PIAS2: variants seen among roughly 807,000 people sequenced by gnomAD.
PIAS2 encodes the protein protein inhibitor of activated STAT 2.
Under a neutral mutation model 69.7 loss-of-function variants are expected in PIAS2, and 19 were observed. The ratio of observed to expected loss-of-function variants is 0.27; its 90% CI spans 0.19 to 0.40. PIAS2 has a LOEUF of 0.40. PIAS2 is among the 10% of genes least tolerant of loss of function. The pLI is 1.00. For missense variants in PIAS2, 624 were observed against 757.0 expected (o/e 0.82, Z 2.06); for synonymous variants, 261 against 263.2 (o/e 0.99, Z 0.08).
intron 1 of PIAS2, among the ~76,000 whole-genome samples, chr18:46,903,866 G>A (rs564745004): frequency 6.3e-4 from 96 of 152,264 alleles, no homozygotes; most frequent in Non-Finnish European, 1.0e-3. Context: ...AATTCATATC[G>A]TGGAAAACTA....
chr18:46,813,248 A>G (rs1463319043), intron 13 of PIAS2, among the ~76,000 whole-genome samples: 1 of 152,142 alleles, frequency 6.6e-6, no homozygotes. Flanking sequence ...AAGTTTTGCA[A>G]TAAATGTTAA....
rs1273912040 is a variant in PIAS2 at position 46,807,111 on chromosome 18, T to C, written c.*5322A>G. On this transcript the variant is annotated 3_prime_UTR_variant, in exon 14 of 14. Coordinates refer to ENST00000585916, the MANE Select transcript of PIAS2 (RefSeq NM_004671.5). ...GATGGAATGCCTTTGGCTCAGTAGA[T>C]TCTACTGGCTTTGGGGAGCTCAGAA... 1 of 151,574 alleles carries C rather than the reference T, an allele frequency of 6.6e-6. No individual in the cohort carries two copies. Among genetic ancestry groups the C allele is most frequent in the East Asian group, 1.9e-4 (1 of 5,134 alleles). The allele number at this position is 151,574 out of a possible 1,614,324, so 9.4% of individuals were successfully genotyped here. A position where few individuals can be genotyped will look rare whatever the true frequency, so the allele number is the denominator to read the frequency against.
intron 2 of PIAS2, among the ~76,000 whole-genome samples, chr18:46,882,204 T>C (rs2052380825): frequency 6.6e-6 from 1 of 152,140 alleles, no homozygotes; most frequent in Admixed American, 6.5e-5. Flanking sequence ...GAATATTATA[T>C]TTTAATGGCT....
At chr18:46,886,854 AC>A (rs1568739947) in intron 2 of PIAS2, among the ~76,000 whole-genome samples, 2 of 152,222 alleles carry the variant, frequency 1.3e-5, no homozygotes, top group African/African-American at 4.8e-5. Flanking sequence ...CCAAAAAAAA[AC>A]AAATAAAATC....
intron 6 of PIAS2, among the ~76,000 whole-genome samples, chr18:46,845,810 A>T (rs2046088817): frequency 6.6e-6 from 1 of 152,210 alleles, no homozygotes; most frequent in Non-Finnish European, 1.5e-5. Context: ...CATTTTAATT[A>T]TAAGGAAGAG....
intron 8 of PIAS2, among the ~76,000 whole-genome samples, chr18:46,840,992 T>A (rs2045303433): frequency 6.6e-6 from 1 of 151,530 alleles, no homozygotes; most frequent in African/African-American, 2.4e-5. Context: ...TTTTTAAACA[T>A]ACTAGAATCT....
chr18:46,908,357 G>A (rs778058536), intron 1 of PIAS2, among the ~76,000 whole-genome samples: 23 of 152,118 alleles, frequency 1.5e-4, no homozygotes, highest in Non-Finnish European at 8.8e-5. Flanking sequence ...ACAGACTAAC[G>A]GCCCAGAGTC....
In PIAS2 at chr18:46,804,593, C is replaced by A. The variant is rs2040604884; in HGVS notation, c.*7840G>T. 6.6e-6 allele frequency: 1 copy of A among 152,152 alleles called. No homozygotes were observed. The highest frequency in any genetic ancestry group is 1.5e-5 in the Non-Finnish European group (1 of 68,026). 9.4% of individuals were successfully genotyped at this position (152,152 alleles called of 1,614,324 possible). A position where few individuals can be genotyped will look rare whatever the true frequency, so the allele number is the denominator to read the frequency against. On this transcript the variant is annotated 3_prime_UTR_variant, in exon 14 of 14. Transcript: ENST00000585916. ...TTCTCAATATTCCTTAGCAAACTTC[C>A]AGCAATTCTAAACATTTCTGGCCCT... is the stretch of plus-strand genomic sequence containing the variant.
At chr18:46,908,735 G>A (rs964223770) in intron 1 of PIAS2, among the ~76,000 whole-genome samples, 1 of 152,184 alleles carries the variant, frequency 6.6e-6, no homozygotes. Context: ...AAGGCTGGAT[G>A]CAGTTGCTCA....
chr18:46,832,144 C>G (rs777807936), intron 9 of PIAS2, among the ~76,000 whole-genome samples: 4 of 152,148 alleles, frequency 2.6e-5, no homozygotes, highest in Non-Finnish European at 4.4e-5. Context: ...AGGCCAGGCA[C>G]GGTGGCTCAT....
At chr18:46,888,691 C>T (rs975609141) in intron 2 of PIAS2, among the ~76,000 whole-genome samples, 6 of 152,152 alleles carry the variant, frequency 3.9e-5, no homozygotes, top group Non-Finnish European at 8.8e-5. Context: ...TCGTAAGGAG[C>T]ATGCAATCTA....
Position 46,855,604 on chromosome 18 carries a change from G to C in PIAS2, c.596C>G (p.Pro199Arg), listed in dbSNP as rs770295461. Residue 199 changes from proline (P) to arginine (R), a missense_variant, in exon 4 of 14, where the codon CCA becomes CGA. Physicochemically the swap from Pro to Arg is moderately radical, Grantham distance 103. Coordinates refer to ENST00000585916, the MANE Select transcript of PIAS2 (RefSeq NM_004671.5). ...REICISRDFLPGGRRDYTVQV... is the reference protein window; with the variant it reads ...REICISRDFLRGGRRDYTVQV... Reference sequence around the variant, plus strand: ...GACTGTATAATCTCTCCTACCACCTGGCAAAAAATCCCTGTTGGAAAGAGA... The same window carrying C: ...GACTGTATAATCTCTCCTACCACCTCGCAAAAAATCCCTGTTGGAAAGAGA... 2 of 1,612,836 alleles carry C rather than the reference G, an allele frequency of 1.2e-6. No individual in the cohort carries two copies. The highest frequency in any genetic ancestry group is 2.2e-5 in the South Asian group (2 of 90,978).
At chr18:46,870,489 G>A (rs573531959) in intron 2 of PIAS2, among the ~76,000 whole-genome samples, 11 of 151,830 alleles carry the variant, frequency 7.2e-5, no homozygotes, top group South Asian at 4.2e-4. Flanking sequence ...GGTGACGGGC[G>A]CCTGTAGTCC....
chr18:46,805,765 A>G lies in PIAS2; in HGVS notation c.*6668T>C, dbSNP rs1265874087. 1 of 152,222 alleles carries G rather than the reference A, an allele frequency of 6.6e-6. No homozygotes were observed. The highest frequency in any genetic ancestry group is 1.9e-4 in the East Asian group (1 of 5,196). The allele number at this position is 152,222 out of a possible 1,614,324, so 9.4% of individuals were successfully genotyped here. A position where few individuals can be genotyped will look rare whatever the true frequency, so the allele number is the denominator to read the frequency against. ...GACTAGAACATAATACAGAATGGAG[A>G]TAAGTGAAGGCAAAAATGGATGACA... On this transcript the variant is annotated 3_prime_UTR_variant, in exon 14 of 14. Coordinates refer to ENST00000585916, the MANE Select transcript of PIAS2 (RefSeq NM_004671.5).
intron 1 of PIAS2, among the ~76,000 whole-genome samples, chr18:46,898,043 CAG>C (rs1177054189): frequency 1.3e-5 from 2 of 151,868 alleles, no homozygotes; most frequent in Non-Finnish European, 2.9e-5. Context: ...TTCATACAGA[CAG>C]AGTCTCCCTG....
intron 5 of PIAS2, 137 bp from the exon 6 acceptor site, chr18:46,846,978 G>T: frequency 1.5e-6 from 1 of 659,796 alleles, no homozygotes; most frequent in Non-Finnish European, 2.2e-6. Context: ...TAGCCCTTAT[G>T]ATCATTATCA....
chr18:46,870,963 G>A (rs76781150), intron 2 of PIAS2, among the ~76,000 whole-genome samples: 1 of 152,224 alleles, frequency 6.6e-6, no homozygotes, highest in East Asian at 1.9e-4. Flanking sequence ...CAGTACCTCA[G>A]ACCCAAGATA....
chr18:46,891,189 C>T, intron 1 of PIAS2, 135 bp from the exon 2 acceptor site: 1 of 689,956 alleles, frequency 1.4e-6, no homozygotes, highest in Non-Finnish European at 2.6e-6. Context: ...TTTCACATAC[C>T]ACTTAGAATC....
intron 1 of PIAS2, chr18:46,891,288 T>C (rs2054038914): frequency 1.6e-6 from 1 of 622,706 alleles, no homozygotes; most frequent in Middle Eastern, 2.7e-4. Context: ...ATTTTGGTAA[T>C]CTATAGTCTA....
Sources: allele counts gnomAD v4.1 joint callset (sites outside exome capture counted in the v4.1 genomes callset), GRCh38; gene constraint gnomAD v4.1.1; transcripts MANE v1.5; gene names NCBI Gene and HGNC (gene_info 2026-07-23, HGNC 2026-07-21).